MSH6: variants seen among roughly 807,000 people sequenced by gnomAD.
MSH6 encodes the protein DNA mismatch repair protein Msh6.
Under a neutral mutation model 119.1 loss-of-function variants are expected in MSH6, and 85 were observed. That is an observed-to-expected ratio of 0.71 (90% CI 0.60 to 0.85). The LOEUF (loss-of-function observed/expected upper bound fraction) is 0.85, where lower values mean the gene tolerates loss of function less well. Among genes scored for constraint, MSH6 ranks in the 40% least tolerant of loss-of-function variants. MSH6 has a pLI of 0.00. For missense variants in MSH6, 2,163 were observed against 1,655.3 expected (o/e 1.31, Z -5.32); for synonymous variants, 830 against 586.9 (o/e 1.41, Z -5.99).
intron 4 of MSH6, among the ~76,000 whole-genome samples, chr2:47,801,853 TG>T (rs1416730871): frequency 6.6e-6 from 1 of 152,074 alleles, no homozygotes; most frequent in Non-Finnish European, 1.5e-5. Context: ...TTCCCTATGT[TG>T]CCCAGGCTGG....
In MSH6 at chr2:47,800,609, G is replaced by C. The variant is rs2104415820; in HGVS notation, c.2626G>C (p.Glu876Gln). Residue 876 changes from glutamate to glutamine, a missense_variant, in exon 4 of 10, where the codon GAA becomes CAA. Physicochemically the swap from Glu to Gln is conservative, Grantham distance 29. Transcript: ENST00000234420. The stretch of plus-strand genomic sequence containing the variant: ...AATGTGTAAAATTATAGGGATCATG[G>C]AAGAAGTTGCTGATGGTTTTAAGTC... ...KVMCKIIGIM[E>Q]EVADGFKSKI... The C allele has an allele frequency of 6.2e-7, 1 of 1,614,148 alleles. No individual in the cohort carries two copies. Among genetic ancestry groups the C allele is most frequent in the Non-Finnish European group, 8.5e-7 (1 of 1,180,018 alleles).
At chr2:47,808,078 T>C (rs201854981), downstream of MSH6, 381 of 1,543,334 alleles carry the variant, frequency 2.5e-4, no homozygotes, top group African/African-American at 1.8e-3. Flanking sequence ...TTTTAAGTTA[T>C]GATGTTACAA....
Position 47,806,619 on chromosome 2 carries a change from T to G in MSH6, c.3969T>G (p.Phe1323Leu), listed in dbSNP as rs1057520473. The G allele has an allele frequency of 6.2e-7, 1 of 1,612,498 alleles. No individual in the cohort carries two copies. Among genetic ancestry groups the G allele is most frequent in the African/African-American group, 1.3e-5 (1 of 74,976 alleles). ...AGGGACATAGAAAAGCAAGAGAATT[T>G]GAGAAGATGAATCAGTCACTACGAT... ...IQKGHRKARE[F>L]EKMNQSLRLF... The change falls in exon 9 of 10, where the codon TTT (phenylalanine) becomes TTG (leucine). Residue 1323 changes from phenylalanine to leucine, a missense_variant. Phe to Leu is a conservative substitution (Grantham distance 22). Transcript: ENST00000234420.
downstream of MSH6, chr2:47,810,082 T>C (rs779880583): frequency 6.0e-6 from 3 of 503,302 alleles, no homozygotes; most frequent in Admixed American, 3.8e-5. Flanking sequence ...TCTATCCCAA[T>C]AAATGTTTCA....
rs876659786 is a variant in MSH6 at position 47,795,981 on chromosome 2, C to T, written c.545C>T (p.Ala182Val). The T allele has an allele frequency of 3.7e-6, 6 of 1,614,060 alleles. No individual in the cohort carries two copies. The highest frequency in any genetic ancestry group is 5.1e-6 in the Non-Finnish European group (6 of 1,179,994). The change falls in exon 3 of 10, where the codon GCC (alanine) becomes GTC (valine). Residue 182 changes from alanine to valine, a missense_variant. By Grantham distance (64) the Ala-to-Val change is moderately conservative. Coordinates refer to ENST00000234420, the MANE Select transcript of MSH6 (RefSeq NM_000179.3). ...AGAGCAATGCAACGTGCAGATGAAG[C>T]CTTAAATAAAGACAAGATTAAGAGG... Reference protein sequence around the residue: ...ILRAMQRADEALNKDKIKRLE... With the variant: ...ILRAMQRADEVLNKDKIKRLE...
Position 47,805,011 on chromosome 2 carries a change from A to G in MSH6, c.3540A>G (p.Ser1180=). The change falls in exon 6 of 10, where the codon TCA becomes TCG. Residue 1180 remains serine, a synonymous_variant. Coordinates refer to ENST00000234420, the MANE Select transcript of MSH6 (RefSeq NM_000179.3). ...IDRVFTRLGA[S]DRIMSGESTF... is the part of the protein sequence containing the mutation. Reference sequence around the variant, plus strand: ...GAGTGTTTACTAGACTTGGTGCCTCAGACAGAATAATGTCAGGTGAGTTTT... The same window carrying G: ...GAGTGTTTACTAGACTTGGTGCCTCGGACAGAATAATGTCAGGTGAGTTTT... 6.2e-7 allele frequency: 1 copy of G among 1,612,506 alleles called. No individual in the cohort carries two copies. Among genetic ancestry groups the G allele is most frequent in the East Asian group, 2.2e-5 (1 of 44,880 alleles).
At chr2:47,787,104 C>T (rs1257785300) in intron 1 of MSH6, among the ~76,000 whole-genome samples, 1 of 152,178 alleles carries the variant, frequency 6.6e-6, no homozygotes, top group Non-Finnish European at 1.5e-5. Flanking sequence ...GGCAGGCCAA[C>T]ATGGCTAGAC....
chr2:47,797,428 C>A (rs546178900), intron 3 of MSH6, among the ~76,000 whole-genome samples: 1 of 152,318 alleles, frequency 6.6e-6, no homozygotes, highest in East Asian at 1.9e-4. Flanking sequence ...TAGCCTAATA[C>A]TGGTTTAACA....
chr2:47,786,219 G>A (rs1668337229), intron 1 of MSH6, among the ~76,000 whole-genome samples: 1 of 152,312 alleles, frequency 6.6e-6, no homozygotes, highest in East Asian at 1.9e-4. Context: ...AGGATGAAAG[G>A]AGGAGGAGGG....
chr2:47,804,379 G>T (rs1006620956), intron 5 of MSH6, among the ~76,000 whole-genome samples: 17 of 152,180 alleles, frequency 1.1e-4, no homozygotes, highest in Non-Finnish European at 2.2e-4. Context: ...TTAAAAGGTT[G>T]TAAGAAATAG....
downstream of MSH6, chr2:47,808,507 G>T: frequency 1.5e-6 from 2 of 1,296,638 alleles, no homozygotes; most frequent in South Asian, 3.1e-5. Flanking sequence ...ATATTACTAT[G>T]ACCTTTGGCT....
Position 47,806,766 on chromosome 2 carries a change from TTTTA to T in MSH6, c.4002-12_4002-9del. ...AACAAAAAAACTTTTTTTTTTTTTTTTTTAATTTTAAGGGAAGTTTGCCTGGCTA... is the reference window on the plus strand; with the variant it reads ...AACAAAAAAACTTTTTTTTTTTTTTTATTTTAAGGGAAGTTTGCCTGGCTA... On this transcript the variant is annotated splice_polypyrimidine_tract_variant and intron_variant, in intron 9 of 9. Coordinates refer to ENST00000234420, the MANE Select transcript of MSH6 (RefSeq NM_000179.3). 3 of 1,587,118 alleles carry T rather than the reference TTTTA, an allele frequency of 1.9e-6. No homozygotes were observed. Among genetic ancestry groups the T allele is most frequent in the Admixed American group, 1.7e-5 (1 of 57,332 alleles).
chr2:47,788,927 T>TTTTTTTG (rs1668548140), intron 1 of MSH6, among the ~76,000 whole-genome samples: 3 of 82,102 alleles, frequency 3.7e-5, no homozygotes, highest in Admixed American at 1.1e-4. Flanking sequence ...TTTTTGTTTT[T>TTTTTTTG]TTTTTTTTTT....
chr2:47,792,738 C>T (rs968982021), intron 2 of MSH6, among the ~76,000 whole-genome samples: 1 of 151,994 alleles, frequency 6.6e-6, no homozygotes, highest in African/African-American at 2.4e-5. Flanking sequence ...GGGATCATAG[C>T]TCACTGGAGC....
intron 2 of MSH6, among the ~76,000 whole-genome samples, chr2:47,793,347 A>AAAAAAAG (rs1668867670): frequency 7.5e-6 from 1 of 132,916 alleles, no homozygotes; most frequent in African/African-American, 2.8e-5. Context: ...AAAAAAAAAA[A>AAAAAAAG]GGCTGGGCAC....
chr2:47,805,177 C>G (rs752683820), intron 6 of MSH6, 150 bp downstream of exon 6: 3 of 629,340 alleles, frequency 4.8e-6, no homozygotes, highest in South Asian at 3.7e-5. Context: ...TGCATAGTCT[C>G]TCTCTCTTTT....
chr2:47,809,091 G>C (rs1379087359), downstream of MSH6: 2 of 975,832 alleles, frequency 2.0e-6, no homozygotes, highest in East Asian at 2.5e-5. Flanking sequence ...AAAAATGCTA[G>C]GCATTGCTAA....
rs190075874 is a variant in MSH6, at chr2:47,800,580, A to C, written c.2597A>C (p.Lys866Thr). 16 of 1,614,156 alleles carry C rather than the reference A, an allele frequency of 9.9e-6. No homozygotes were observed. In the African/African-American group the frequency reaches 2.1e-4, roughly 22 times the overall value. Residue 866 changes from lysine to threonine, a missense_variant, in exon 4 of 10, where the codon AAA becomes ACA. By Grantham distance (78) the Lys-to-Thr change is moderately conservative. Transcript: ENST00000234420. ...IDFLSALEGF[K>T]VMCKIIGIME... ...TTTCTTTCTGCTCTGGAAGGATTCAAAGTAATGTGTAAAATTATAGGGATC... is the reference window on the plus strand; with the variant it reads ...TTTCTTTCTGCTCTGGAAGGATTCACAGTAATGTGTAAAATTATAGGGATC...
intron 4 of MSH6, 131 bp downstream of exon 4, chr2:47,801,286 C>A (rs1669569335): frequency 1.1e-6 from 1 of 914,350 alleles, no homozygotes; most frequent in Non-Finnish European, 1.7e-6. Context: ...TATTTGCATC[C>A]TGACTAGGCT....
Sources: allele counts gnomAD v4.1 joint callset (sites outside exome capture counted in the v4.1 genomes callset), GRCh38; gene constraint gnomAD v4.1.1; transcripts MANE v1.5; gene names NCBI Gene and HGNC (gene_info 2026-07-23, HGNC 2026-07-21).